TTN: variants seen among roughly 807,000 people sequenced by gnomAD.
The protein encoded by TTN is titin.
A neutral mutation model predicts 3,223.0 loss-of-function variants in TTN; 1,525 were observed. The ratio of observed to expected loss-of-function variants is 0.47; its 90% CI spans 0.45 to 0.49. The LOEUF (loss-of-function observed/expected upper bound fraction) is 0.49, where lower values mean the gene tolerates loss of function less well. Ranked by LOEUF, TTN falls within the 20% of genes least tolerant of loss-of-function variation. The pLI, the probability that TTN is intolerant of heterozygous loss-of-function variation, is 0.00. For synonymous variants in TTN, 14,094 were observed against 15,161.0 expected, an observed-to-expected ratio of 0.93 and a Z score of 5.17; for missense variants, 40,786 against 43,424.0, an observed-to-expected ratio of 0.94 and a Z score of 5.40.
In TTN at chr2:178,561,885, C is replaced by T; in HGVS notation, c.84247G>A (p.Gly28083Ser). The T allele has an allele frequency of 2.5e-6, 4 of 1,613,596 alleles. No individual in the cohort carries two copies. Among genetic ancestry groups the T allele is most frequent in the Non-Finnish European group, 3.4e-6 (4 of 1,179,738 alleles). The change falls in exon 326 of 363, where the codon GGT (glycine) becomes AGT (serine). Residue 28083 changes from glycine to serine, a missense_variant. Coordinates refer to ENST00000589042, the MANE Select transcript of TTN (RefSeq NM_001267550.2). ...TISWNPPEYD[G>S]GCQISNYIVE... ...ATGTAATTGCTAATTTGGCAGCCAC[C>T]ATCATATTCTGGAGGATTCCAAGAA...
rs1448200477 is a variant in TTN, at chr2:178,733,667, A to G, written c.15722T>C (p.Leu5241Pro). 6.2e-7 allele frequency: 1 copy of G among 1,613,218 alleles called. No homozygotes were observed. Among genetic ancestry groups the G allele is most frequent in the Non-Finnish European group, 8.5e-7 (1 of 1,179,338 alleles). ...TTGGCTTCCAGCTTCATTTTCAGCC[A>G]GGCACGTGTATTTGCCTCCAAAACT... ...QISFGGKYTCLAENEAGSQTS... is the reference protein window; with the variant it reads ...QISFGGKYTCPAENEAGSQTS... Residue 5241 changes from leucine (L) to proline (P), a missense_variant, in exon 53 of 363, where the codon CTG becomes CCG. Leu to Pro is a moderately conservative substitution (Grantham distance 98). Transcript: ENST00000589042.
Position 178,542,361 on chromosome 2 carries a change from G to A in TTN, c.97395C>T (p.Thr32465=), listed in dbSNP as rs755328785. 18 of 1,613,310 alleles carry A rather than the reference G, an allele frequency of 1.1e-5. No homozygotes were observed. Among genetic ancestry groups the A allele is most frequent in the African/African-American group, 5.3e-5 (4 of 74,844 alleles). ...TRSTFKFTRL[T]EGNEYVFRVA... is the part of the protein sequence containing the mutation. ...CACGGAACACATACTCATTTCCTTCGGTGAGTCTGGTAAACTTAAACGTGG... is the reference window on the plus strand; with the variant it reads ...CACGGAACACATACTCATTTCCTTCAGTGAGTCTGGTAAACTTAAACGTGG... Residue 32465 remains threonine (T), a synonymous_variant, in exon 349 of 363, where the codon ACC becomes ACT. Transcript: ENST00000589042.
rs1559020199 is a variant in TTN at position 178,532,992 on chromosome 2, A to G, written c.103623T>C (p.Asp34541=). The change falls in exon 358 of 363, where the codon GAT becomes GAC. Residue 34541 remains aspartate, a synonymous_variant. Transcript: ENST00000589042. Reference sequence around the variant, plus strand: ...GCTTATACTTGCGTGGCTCTGGTACATCATAAGGCATCCGGAGTTTTCTCT... The same window carrying G: ...GCTTATACTTGCGTGGCTCTGGTACGTCATAAGGCATCCGGAGTTTTCTCT... ...KEERKLRMPY[D]VPEPRKYKQT... The G allele has an allele frequency of 1.2e-6, 2 of 1,613,902 alleles. No individual in the cohort carries two copies. The highest frequency in any genetic ancestry group is 1.7e-6 in the Non-Finnish European group (2 of 1,179,862).
chr2:178,613,312 G>T, intron 263 of TTN, 36 bp from the exon 264 acceptor site: 1 of 1,473,910 alleles, frequency 6.8e-7, no homozygotes, highest in Non-Finnish European at 9.3e-7. Flanking sequence ...TATCATCATG[G>T]TAAGAAGCAG....
At chr2:178,596,990 C>A (rs971427360) in intron 294 of TTN, among the ~76,000 whole-genome samples, 2 of 152,168 alleles carry the variant, frequency 1.3e-5, no homozygotes, top group East Asian at 3.9e-4. Context: ...CAGGTTTTTG[C>A]ATTATTATGA....
chr2:178,553,159 A>G lies in TTN; in HGVS notation c.89741T>C (p.Ile29914Thr), dbSNP rs952680348. The change falls in exon 335 of 363, where the codon ATA (isoleucine) becomes ACA (threonine). Residue 29914 changes from isoleucine (I) to threonine (T), a missense_variant. By Grantham distance (89) the Ile-to-Thr change is moderately conservative. Transcript: ENST00000589042. ...RNDTGKYILT[I>T]ENGVGEPKSS... ...CTTAGGTTCACCAACTCCATTTTCT[A>G]TTGTGAGAATATATTTTCCTGTATC... is the stretch of plus-strand genomic sequence containing the variant. 3.1e-6 allele frequency: 5 copies of G among 1,613,372 alleles called. No homozygotes were observed. Among genetic ancestry groups the G allele is most frequent in the Non-Finnish European group, 1.7e-6 (2 of 1,179,520 alleles).
Position 178,562,071 on chromosome 2 carries a change from A to G in TTN, c.84061T>C (p.Ser28021Pro). 6.2e-7 allele frequency: 1 copy of G among 1,613,360 alleles called. No homozygotes were observed. The highest frequency in any genetic ancestry group is 8.5e-7 in the Non-Finnish European group (1 of 1,179,614). The change falls in exon 326 of 363, where the codon TCT becomes CCT. Residue 28021 changes from serine (S) to proline (P), a missense_variant. Coordinates refer to ENST00000589042, the MANE Select transcript of TTN (RefSeq NM_001267550.2). The stretch of plus-strand genomic sequence containing the variant: ...TCTTCCTTTGAAGCTTCCTTAATAG[A>G]TAGTGATGTTACAGTCTTTGAAGAA... ...VSSSKTVTSL[S>P]IKEASKEDVG...
chr2:178,732,202 T>C lies in TTN; in HGVS notation c.16767A>G (p.Lys5589=). ...TAGACTCCACAAAAGACATTCTGTG[T>C]TTGCTGCTCTCCTTAATTTCTCTAT... The part of the protein sequence containing the change: ...ANDREIKESS[K]HRMSFVESTA... Residue 5589 remains lysine, a synonymous_variant, in exon 57 of 363, where the codon AAA becomes AAG. Coordinates refer to ENST00000589042, the MANE Select transcript of TTN (RefSeq NM_001267550.2). 6.2e-7 allele frequency: 1 copy of C among 1,613,848 alleles called. No homozygotes were observed. Among genetic ancestry groups the C allele is most frequent in the Admixed American group, 1.7e-5 (1 of 60,010 alleles).
chr2:178,540,170 G>T lies in TTN; in HGVS notation c.97996C>A (p.Pro32666Thr). 1 of 1,613,808 alleles carries T rather than the reference G, an allele frequency of 6.2e-7. No individual in the cohort carries two copies. The highest frequency in any genetic ancestry group is 8.5e-7 in the Non-Finnish European group (1 of 1,179,756). The part of the protein sequence containing the change: ...KIREYTLTHL[P>T]QGAEYRFRVL... The stretch of plus-strand genomic sequence containing the variant: ...CGGAACCTGTATTCTGCACCCTGAG[G>T]TAGGTGTGTTAGAGTATACTCTCGA... The change falls in exon 351 of 363, where the codon CCT becomes ACT. Residue 32666 changes from proline to threonine, a missense_variant. By Grantham distance (38) the Pro-to-Thr change is conservative. Coordinates refer to ENST00000589042, the MANE Select transcript of TTN (RefSeq NM_001267550.2).
intron 41 of TTN, among the ~76,000 whole-genome samples, chr2:178,765,985 C>G (rs2090323953): frequency 6.6e-6 from 1 of 152,164 alleles, no homozygotes; most frequent in African/African-American, 2.4e-5. Context: ...CTCCCAGGCA[C>G]TCCATATCAG....
chr2:178,599,207 C>G lies in TTN; in HGVS notation c.56586G>C (p.Gln18862His). The G allele has an allele frequency of 6.6e-7, 1 of 1,521,438 alleles. No homozygotes were observed. 94.2% of individuals were successfully genotyped at this position (1,521,438 alleles called of 1,614,324 possible). ...GAGGTTCTCCAATGCCATATTTATT[C>G]TGGGCCATGATTCGGAATACATATT... is the stretch of plus-strand genomic sequence containing the variant. Reference protein sequence around the residue: ...GHEYVFRIMAQNKYGIGEPLD... With the variant: ...GHEYVFRIMAHNKYGIGEPLD... The change falls in exon 290 of 363, where the codon CAG becomes CAC. Residue 18862 changes from glutamine to histidine, a missense_variant. Transcript: ENST00000589042.
At position 178,790,112 on chromosome 2, in the gene TTN, T is replaced by C. The variant is rs746006425; in HGVS notation, c.1804A>G (p.Met602Val). The C allele has an allele frequency of 6.2e-7, 1 of 1,612,452 alleles. No homozygotes were observed. Among genetic ancestry groups the C allele is most frequent in the East Asian group, 2.2e-5 (1 of 44,668 alleles). Residue 602 changes from methionine to valine, a missense_variant, in exon 12 of 363, where the codon ATG becomes GTG. Physicochemically the swap from Met to Val is conservative, Grantham distance 21. Coordinates refer to ENST00000589042, the MANE Select transcript of TTN (RefSeq NM_001267550.2). Reference protein sequence around the residue: ...DQMHLSYEKIMKETRKTVVPK... With the variant: ...DQMHLSYEKIVKETRKTVVPK... The stretch of plus-strand genomic sequence containing the variant: ...ACAACTGTTTTCCTAGTTTCCTTCA[T>C]TATCTGATCATACAAAAGAAAGTAA...
At position 178,543,326 on chromosome 2, in the gene TTN, T is replaced by G. The variant is rs1695519342; in HGVS notation, c.96647A>C (p.Lys32216Thr). The change falls in exon 347 of 363, where the codon AAA (lysine) becomes ACA (threonine). Residue 32216 changes from lysine (K) to threonine (T), a missense_variant. Physicochemically the swap from Lys to Thr is moderately conservative, Grantham distance 78. Coordinates refer to ENST00000589042, the MANE Select transcript of TTN (RefSeq NM_001267550.2). ...PAKLEVVDVTKSTVTLAWEKP... is the reference protein window; with the variant it reads ...PAKLEVVDVTTSTVTLAWEKP... ...TTCCCAGGCAAGGGTAACAGTGGATTTGGTGACATCGACCACTTCTAGCTT... is the reference window on the plus strand; with the variant it reads ...TTCCCAGGCAAGGGTAACAGTGGATGTGGTGACATCGACCACTTCTAGCTT... The G allele has an allele frequency of 1.9e-6, 3 of 1,613,850 alleles. No individual in the cohort carries two copies. The South Asian group carries it at 3.3e-5, about 18-fold the overall frequency.
chr2:178,640,288 AG>A (rs1182059631), intron 221 of TTN, among the ~76,000 whole-genome samples, 178 bp from the exon 222 acceptor site: 1 of 152,022 alleles, frequency 6.6e-6, no homozygotes, highest in Non-Finnish European at 1.5e-5. Flanking sequence ...AAATATAGTA[AG>A]GCAATGTTCT....
chr2:178,731,499 G>A lies in TTN; in HGVS notation c.17267C>T (p.Ser5756Phe), dbSNP rs367634185. 6.2e-7 allele frequency: 1 copy of A among 1,613,570 alleles called. No homozygotes were observed. The highest frequency in any genetic ancestry group is 8.5e-7 in the Non-Finnish European group (1 of 1,179,698). ...TAGCCAAGTCACCGTAATTGGCAAG[G>A]AGCCCTTCAGAGTGGCCTGGAAGGC... Reference protein sequence around the residue: ...TAAFQATLKGSLPITVTWLKD... With the variant: ...TAAFQATLKGFLPITVTWLKD... The change falls in exon 59 of 363, where the codon TCC becomes TTC. Residue 5756 changes from serine (S) to phenylalanine (F), a missense_variant. By Grantham distance (155) the Ser-to-Phe change is radical. Transcript: ENST00000589042.
At position 178,552,613 on chromosome 2, in the gene TTN, T is replaced by C. The variant is rs773339782; in HGVS notation, c.90287A>G (p.Gln30096Arg). 6.8e-6 allele frequency: 11 copies of C among 1,613,938 alleles called. No homozygotes were observed. The highest frequency in any genetic ancestry group is 2.2e-5 in the South Asian group (2 of 91,086). ...AAACACTCTGAACTCCAGGACTGAC[T>C]GCTCCTTAAGTTGGCTAACCTCAAT... ...CEIEVSQLKE[Q>R]SVLEFRVFAK... The change falls in exon 335 of 363, where the codon CAG becomes CGG. Residue 30096 changes from glutamine (Q) to arginine (R), a missense_variant. Physicochemically the swap from Gln to Arg is conservative, Grantham distance 43. Transcript: ENST00000589042.
chr2:178,634,828 C>A lies in TTN; in HGVS notation c.42046G>T (p.Gly14016Cys). The change falls in exon 229 of 363, where the codon GGT becomes TGT. Residue 14016 changes from glycine (G) to cysteine (C), a missense_variant. By Grantham distance (159) the Gly-to-Cys change is radical (BLOSUM62 -3). Transcript: ENST00000589042. This position sits in a 1 kb window ranked among gnomAD's most constrained non-coding sequence, Gnocchi z 4.6. ...PSPTCEIKAE[G>C]GKRFLTLHKV... ...TGCAAAGTTAAGAAGCGTTTTCCACCTTCTGCTTTGATTTCACAAGTCTGA... is the reference window on the plus strand; with the variant it reads ...TGCAAAGTTAAGAAGCGTTTTCCACATTCTGCTTTGATTTCACAAGTCTGA... 6.2e-7 allele frequency: 1 copy of A among 1,610,842 alleles called. No individual in the cohort carries two copies. The highest frequency in any genetic ancestry group is 2.2e-5 in the East Asian group (1 of 44,732).
Position 178,568,325 on chromosome 2 carries a change from G to C in TTN, c.77807C>G (p.Thr25936Arg), listed in dbSNP as rs533763128. 1 of 1,613,438 alleles carries C rather than the reference G, an allele frequency of 6.2e-7. No homozygotes were observed. Among genetic ancestry groups the C allele is most frequent in the East Asian group, 2.2e-5 (1 of 44,768 alleles). Residue 25936 changes from threonine (T) to arginine (R), a missense_variant, in exon 326 of 363, where the codon ACA becomes AGA. Coordinates refer to ENST00000589042, the MANE Select transcript of TTN (RefSeq NM_001267550.2). The stretch of plus-strand genomic sequence containing the variant: ...AGTAGCAGAAACAACATCCCATACT[G>C]TGGTGGTTGTATCTCTTTTCTGAAC... ...YIVQKRDTTT[T>R]VWDVVSATVA...
At chr2:178,720,785 A>G (rs2078238492) in intron 79 of TTN, 122 bp from the exon 80 acceptor site, 2 of 1,369,006 alleles carry the variant, frequency 1.5e-6, no homozygotes, top group Non-Finnish European at 1.9e-6. Context: ...TGACACAAGA[A>G]ATGACAATTC....
Sources: allele counts gnomAD v4.1 joint callset (sites outside exome capture counted in the v4.1 genomes callset), GRCh38; gene constraint gnomAD v4.1.1; non-coding constraint Gnocchi (gnomAD v3.1); transcripts MANE v1.5; gene names NCBI Gene and HGNC (gene_info 2026-07-23, HGNC 2026-07-21).